The following NBAS variants were observed in gnomAD, a reference collection of about 807,000 sequenced individuals.
NBAS encodes the protein NBAS subunit of NRZ tethering complex.
In NBAS, 219 loss-of-function variants were observed where a neutral mutation model predicts 302.5. That is an observed-to-expected ratio of 0.72 (90% CI 0.65 to 0.81). The LOEUF (loss-of-function observed/expected upper bound fraction) is 0.81, where lower values mean the gene tolerates loss of function less well. Ranked by LOEUF, NBAS falls within the 30% of genes least tolerant of loss-of-function variation. NBAS has a pLI of 0.00. For missense variants in NBAS, 2,932 were observed against 2,841.6 expected (o/e 1.03, Z -0.72); for synonymous variants, 1,118 against 1,021.6 (o/e 1.09, Z -1.80).
chr2:15,330,882 T>A, intron 35 of NBAS, 117 bp from the exon 36 acceptor site: 1 of 1,070,334 alleles, frequency 9.3e-7, no homozygotes, highest in Non-Finnish European at 1.3e-6. Context: ...CAGACACATT[T>A]AAAAATCCAT....
intron 26 of NBAS, among the ~76,000 whole-genome samples, chr2:15,400,260 AT>A (rs1402915071): frequency 6.6e-6 from 1 of 152,118 alleles, no homozygotes; most frequent in Non-Finnish European, 1.5e-5. Flanking sequence ...CATGAAAGGA[AT>A]AGAGAGATCA....
the NBAS span, among the ~76,000 whole-genome samples, chr2:15,045,927 G>A: frequency 6.6e-6 from 1 of 152,156 alleles, no homozygotes; most frequent in East Asian, 1.9e-4. Flanking sequence ...AAGAGAGTGT[G>A]TACCCCCTAA....
the NBAS span, among the ~76,000 whole-genome samples, chr2:14,932,862 T>C: frequency 6.6e-6 from 1 of 152,206 alleles, no homozygotes; most frequent in South Asian, 2.1e-4. Context: ...GCTGTCAGTA[T>C]GGTTTCTATA....
At chr2:15,490,029 C>A (rs1680789140) in intron 11 of NBAS, among the ~76,000 whole-genome samples, 1 of 152,142 alleles carries the variant, frequency 6.6e-6, no homozygotes, top group Non-Finnish European at 1.5e-5. Flanking sequence ...AGCAGATGAC[C>A]TCTTAGAAGA....
At chr2:14,933,626 T>C in the NBAS span, among the ~76,000 whole-genome samples, 1 of 152,106 alleles carries the variant, frequency 6.6e-6, no homozygotes, top group African/African-American at 2.4e-5. Context: ...ATCTTGCCTG[T>C]GTGAGAGGGC....
chr2:14,862,232 G>A, the NBAS span, among the ~76,000 whole-genome samples: 6 of 151,670 alleles, frequency 4.0e-5, no homozygotes, highest in Non-Finnish European at 8.8e-5. Context: ...TCCACCTCCC[G>A]GGTTCAAGTG....
chr2:15,504,142 T>G lies in NBAS; in HGVS notation c.954+3A>C. On this transcript the variant is annotated splice_donor_region_variant and intron_variant, in intron 11 of 51. Coordinates refer to ENST00000281513, the MANE Select transcript of NBAS (RefSeq NM_015909.4). The stretch of plus-strand genomic sequence containing the variant: ...CCACCATAGTTAAGCCAATTTGTGT[T>G]ACCTGTTCTTGTCCCTGGCGACTGT... 6.2e-7 allele frequency: 1 copy of G among 1,611,922 alleles called. No homozygotes were observed. Among genetic ancestry groups the G allele is most frequent in the Non-Finnish European group, 8.5e-7 (1 of 1,178,008 alleles).
chr2:14,811,348 T>G, the NBAS span, among the ~76,000 whole-genome samples: 1 of 152,134 alleles, frequency 6.6e-6, no homozygotes, highest in Admixed American at 6.5e-5. Flanking sequence ...AGTTCAAGGC[T>G]GCAGTAAGCT....
At chr2:14,787,291 T>C in the NBAS span, among the ~76,000 whole-genome samples, 4 of 152,278 alleles carry the variant, frequency 2.6e-5, no homozygotes, top group Admixed American at 2.0e-4. Flanking sequence ...CCAGTCTGTG[T>C]CTTTTAATTG....
chr2:15,227,818 A>G (rs1342335144), intron 47 of NBAS, among the ~76,000 whole-genome samples: 3 of 152,328 alleles, frequency 2.0e-5, no homozygotes, highest in Middle Eastern at 3.4e-3. Flanking sequence ...ATCTCTCACC[A>G]TATATTACAA....
intron 31 of NBAS, among the ~76,000 whole-genome samples, chr2:15,369,619 TA>T (rs1674389218): frequency 6.6e-6 from 1 of 152,214 alleles, no homozygotes; most frequent in African/African-American, 2.4e-5. Flanking sequence ...AATTCTCAGT[TA>T]AATAAATTCA....
the NBAS span, among the ~76,000 whole-genome samples, chr2:14,985,987 C>T: frequency 0.18 from 26,679 of 152,122 alleles, 3,139 homozygotes; most frequent in Non-Finnish European, 0.27. Context: ...AGGTAGAGAT[C>T]AGTAAAACTA....
At chr2:15,547,974 G>A (rs1296592259) in intron 6 of NBAS, among the ~76,000 whole-genome samples, 1 of 152,104 alleles carries the variant, frequency 6.6e-6, no homozygotes, top group East Asian at 1.9e-4. Flanking sequence ...CATGCTATGT[G>A]TATACATGTA....
chr2:15,386,712 T>G (rs1675315920), intron 28 of NBAS, among the ~76,000 whole-genome samples: 1 of 152,238 alleles, frequency 6.6e-6, no homozygotes, highest in Non-Finnish European at 1.5e-5. Flanking sequence ...ATGCATAAAC[T>G]AAATGACTAC....
At chr2:14,814,403 G>A in the NBAS span, among the ~76,000 whole-genome samples, 8 of 152,228 alleles carry the variant, frequency 5.3e-5, no homozygotes, top group African/African-American at 1.9e-4. Context: ...GCTACCCAAG[G>A]CCTTGGGAGC....
the NBAS span, among the ~76,000 whole-genome samples, chr2:14,892,521 A>G: frequency 6.6e-6 from 1 of 152,134 alleles, no homozygotes; most frequent in African/African-American, 2.4e-5. Flanking sequence ...TTCCTCTTCT[A>G]TGCAATGATG....
chr2:15,234,738 G>A lies in NBAS; in HGVS notation c.5953C>T (p.Gln1985Ter). The change falls in exon 46 of 52, where the codon CAA (glutamine) becomes TAA (stop). Residue 1985 changes from glutamine (Q) to a stop codon, truncating the protein, a stop_gained. Transcript: ENST00000281513. LOFTEE classifies it high-confidence loss of function. ...SLKNSEQETL[Q>*]KYSHLYDLSR... ...AGATCATAGAGGTGACTGTATTTTT[G>A]CAGTGTTTCCTGTAAAGACATGGTA... 1 of 1,614,044 alleles carries A rather than the reference G, an allele frequency of 6.2e-7. No homozygotes were observed. Among genetic ancestry groups the A allele is most frequent in the South Asian group, 1.1e-5 (1 of 91,068 alleles).
chr2:14,909,545 C>G, the NBAS span, among the ~76,000 whole-genome samples: 1 of 152,126 alleles, frequency 6.6e-6, no homozygotes, highest in Non-Finnish European at 1.5e-5. Context: ...TTTGTGAGCT[C>G]AAATCCTTGA....
the NBAS span, among the ~76,000 whole-genome samples, chr2:15,149,478 T>C: frequency 5.9e-5 from 9 of 152,178 alleles, no homozygotes; most frequent in Admixed American, 5.9e-4. Flanking sequence ...AGTTTTTTGT[T>C]GTTTTATTTT....
Sources: allele counts gnomAD v4.1 joint callset (sites outside exome capture counted in the v4.1 genomes callset), GRCh38; gene constraint gnomAD v4.1.1; transcripts MANE v1.5; gene names NCBI Gene and HGNC (gene_info 2026-07-23, HGNC 2026-07-21).